DYRK4: variants seen among roughly 807,000 people sequenced by gnomAD.
The protein encoded by DYRK4 is dual specificity tyrosine-phosphorylation-regulated kinase 4.
Under a neutral mutation model 68.3 loss-of-function variants are expected in DYRK4, and 64 were observed. That is an observed-to-expected ratio of 0.94 (90% confidence interval 0.77 to 1.15). The LOEUF (loss-of-function observed/expected upper bound fraction) is 1.15. DYRK4 is among the 50% of genes most tolerant of loss of function. The pLI, the probability that DYRK4 is intolerant of heterozygous loss-of-function variation, is 0.00. For missense variants in DYRK4, 740 were observed against 764.7 expected, an observed-to-expected ratio of 0.97 and a Z score of 0.38; for synonymous variants, 274 against 289.9, an observed-to-expected ratio of 0.95 and a Z score of 0.56.
At chr12:4,599,607 C>G in intron 9 of DYRK4, 100 bp from the exon 10 acceptor site, 1 of 799,134 alleles carries the variant, frequency 1.3e-6, no homozygotes, top group South Asian at 1.7e-5. Context: ...TGGAGGTGGT[C>G]ATATTTGAAC....
intron 2 of DYRK4, chr12:4,580,682 C>T: frequency 2.6e-6 from 1 of 378,688 alleles, no homozygotes; most frequent in South Asian, 2.0e-5. Flanking sequence ...TTATTTTTAA[C>T]TCCTGGTAGT....
chr12:4,567,278 A>G (rs996730149), intron 1 of DYRK4: 1 of 152,114 alleles, frequency 6.6e-6, no homozygotes, highest in Non-Finnish European at 1.5e-5. Flanking sequence ...TGTTTCTTGT[A>G]TTCTTGATTC....
intron 2 of DYRK4, among the ~76,000 whole-genome samples, chr12:4,579,481 A>G (rs1230802980): frequency 6.6e-6 from 1 of 152,142 alleles, no homozygotes; most frequent in African/African-American, 2.4e-5. Context: ...TCACTTTAGT[A>G]CTGTCACATG....
chr12:4,605,697 C>T (rs1462343682), intron 11 of DYRK4, among the ~76,000 whole-genome samples: 1 of 140,972 alleles, frequency 7.1e-6, no homozygotes, highest in Non-Finnish European at 1.5e-5. Context: ...TCTTATTGGG[C>T]ATACAGCTCT....
chr12:4,606,091 C>A (rs931371002), intron 11 of DYRK4, among the ~76,000 whole-genome samples: 3 of 152,178 alleles, frequency 2.0e-5, no homozygotes, highest in Non-Finnish European at 4.4e-5. Flanking sequence ...GGAAAACTAT[C>A]TCCTAATAGC....
rs1945232525 is a variant in DYRK4 at position 4,612,401 on chromosome 12, T to C, written c.1491-142T>C. On this transcript the variant is annotated intron_variant, in intron 13 of 14. Coordinates refer to ENST00000543431, the MANE Select transcript of DYRK4 (RefSeq NM_001394779.1). ...TGTTTCCAGGTACTTTTAAGTTATA[T>C]GCCATAATCTCTGTTCTATGATTAT... is the stretch of plus-strand genomic sequence containing the variant. The C allele has an allele frequency of 5.9e-6, 5 of 844,688 alleles. No individual in the cohort carries two copies. The East Asian group carries it at 1.4e-4, about 23-fold the overall frequency. 52.3% of individuals were successfully genotyped at this position (844,688 alleles called of 1,614,324 possible).
At chr12:4,584,093 A>C (rs928422651) in intron 2 of DYRK4, among the ~76,000 whole-genome samples, 2 of 152,212 alleles carry the variant, frequency 1.3e-5, no homozygotes, top group African/African-American at 4.8e-5. Flanking sequence ...CATCAATGAC[A>C]CAAAGAAAAA....
At chr12:4,595,000 A>G (rs1945001113) in intron 6 of DYRK4, among the ~76,000 whole-genome samples, 1 of 152,276 alleles carries the variant, frequency 6.6e-6, no homozygotes. Flanking sequence ...TCAAGTAACC[A>G]TAATCAATGT....
intron 2 of DYRK4, among the ~76,000 whole-genome samples, chr12:4,568,843 T>C (rs1437363990): frequency 6.6e-6 from 1 of 152,236 alleles, no homozygotes; most frequent in Non-Finnish European, 1.5e-5. Context: ...ATTTTAAAAA[T>C]CTAACACCAC....
chr12:4,605,152 C>A, intron 11 of DYRK4, 66 bp downstream of exon 11: 1 of 1,455,660 alleles, frequency 6.9e-7, no homozygotes, highest in Non-Finnish European at 9.4e-7. Context: ...CACGGGGCTG[C>A]ACCAGACTCG....
At chr12:4,588,406 G>A (rs188951791) in intron 2 of DYRK4, among the ~76,000 whole-genome samples, 7 of 152,268 alleles carry the variant, frequency 4.6e-5, no homozygotes, top group South Asian at 2.1e-4. Context: ...GGTGCTTGCC[G>A]CCCTCTGGGA....
chr12:4,596,756 T>C (rs753347145), intron 8 of DYRK4, 27 bp downstream of exon 8: 22 of 1,611,100 alleles, frequency 1.4e-5, no homozygotes, highest in Admixed American at 3.4e-5. Flanking sequence ...TCTTAACTCA[T>C]TTTCTCTGGA....
At position 4,596,446 on chromosome 12, in the gene DYRK4, G is replaced by T. The variant is rs561763605; in HGVS notation, c.765-143G>T. ...GATTCCATGAGGGGGCAAAGAGGAG[G>T]TGAGAGTGTGGTATTTTTAGTGCTT... On this transcript the variant is annotated intron_variant, in intron 7 of 14. Transcript: ENST00000543431. 14 of 1,496,582 alleles carry T rather than the reference G, an allele frequency of 9.4e-6. No individual in the cohort carries two copies. In the South Asian group the frequency reaches 1.8e-4, roughly 19 times the overall value. 92.7% of individuals were successfully genotyped at this position (1,496,582 alleles called of 1,614,324 possible).
In DYRK4 at chr12:4,570,598, C is replaced by G. The variant is rs187193621; in HGVS notation, c.132+2550C>G. Among the ~76,000 whole-genome samples, 685 of 152,258 alleles carry G rather than the reference C, an allele frequency of 4.5e-3. 7 individuals are homozygous for G. Among genetic ancestry groups the G allele is most frequent in the South Asian group, 0.018 (88 of 4,824 alleles). Reference sequence around the variant, plus strand: ...TATAATCCCTTCATCTAAAAAAACACTTAAGAAGAGGGAGCTGTGGATCTC... The same window carrying G: ...TATAATCCCTTCATCTAAAAAAACAGTTAAGAAGAGGGAGCTGTGGATCTC... On this transcript the variant is annotated intron_variant, in intron 2 of 14. Transcript: ENST00000543431.
chr12:4,587,514 T>C (rs889376397), intron 2 of DYRK4, among the ~76,000 whole-genome samples: 10 of 152,258 alleles, frequency 6.6e-5, no homozygotes, highest in Admixed American at 6.5e-4. Context: ...CAGCCTGTTA[T>C]TGACGATGCT....
rs1278115569 is a variant in DYRK4 at position 4,593,093 on chromosome 12, CAAG to C, written c.559_561del (p.Lys187del). On this transcript the variant is annotated inframe_deletion, in exon 6 of 15. Transcript: ENST00000543431. ...AGCTGTGGTTCCTGGGTCTTGAAGCCAAGAAGCTCGACACGGCTCCTGAGAAAT... is the reference window on the plus strand; with the variant it reads ...AGCTGTGGTTCCTGGGTCTTGAAGCCAAGCTCGACACGGCTCCTGAGAAAT... The C allele has an allele frequency of 7.4e-6, 12 of 1,613,966 alleles. No homozygotes were observed. The highest frequency in any genetic ancestry group is 1.0e-5 in the Non-Finnish European group (12 of 1,180,038).
At chr12:4,570,803 G>T (rs935770166) in intron 2 of DYRK4, among the ~76,000 whole-genome samples, 1 of 152,194 alleles carries the variant, frequency 6.6e-6, no homozygotes, top group African/African-American at 2.4e-5. Context: ...TTTAAAATGT[G>T]ATTTCACTGG....
At chr12:4,602,498 C>T (rs1945092747) in intron 10 of DYRK4, 1 of 1,310,488 alleles carries the variant, frequency 7.6e-7, no homozygotes, top group Non-Finnish European at 1.1e-6. Context: ...AGAGCTTGGA[C>T]AAGTCTTGCG....
chr12:4,572,133 C>T (rs894247387), intron 2 of DYRK4, among the ~76,000 whole-genome samples: 1 of 152,158 alleles, frequency 6.6e-6, no homozygotes, highest in Non-Finnish European at 1.5e-5. Context: ...TGACTAAATG[C>T]TGAGAATGGT....
Sources: allele counts gnomAD v4.1 joint callset (sites outside exome capture counted in the v4.1 genomes callset), GRCh38; gene constraint gnomAD v4.1.1; transcripts MANE v1.5; gene names NCBI Gene and HGNC (gene_info 2026-07-23, HGNC 2026-07-21).